The following SLC9C1 variants were observed in gnomAD, a reference collection of about 807,000 sequenced individuals.
SLC9C1 encodes sodium/hydrogen exchanger 10.
Under a neutral mutation model 140.9 loss-of-function variants are expected in SLC9C1, and 97 were observed. That is an observed-to-expected ratio of 0.69 (90% CI 0.58 to 0.82). The LOEUF is 0.82. Among genes scored for constraint, SLC9C1 ranks in the 40% least tolerant of loss-of-function variants. SLC9C1 has a pLI of 0.00. For missense variants in SLC9C1, 1,340 were observed against 1,389.3 expected (o/e 0.96, Z 0.56); for synonymous variants, 440 against 442.6 (o/e 0.99, Z 0.07).
intron 2 of SLC9C1, among the ~76,000 whole-genome samples, chr3:112,281,257 C>G (rs905087862): frequency 2.6e-5 from 4 of 152,180 alleles, no homozygotes; most frequent in Admixed American, 6.5e-5. Context: ...CTAATTCTGG[C>G]ACAATCCGAC....
intron 20 of SLC9C1, among the ~76,000 whole-genome samples, chr3:112,186,224 T>G (rs1280130290): frequency 6.7e-6 from 1 of 148,160 alleles, no homozygotes; most frequent in Non-Finnish European, 1.5e-5. Flanking sequence ...AAATTCTTAA[T>G]TTTAATGTTA....
rs970138797 is a variant in SLC9C1 at position 112,220,690 on chromosome 3, C to T, written c.1670+438G>A. ...AGACCTATATCTAAAGAAATCACTA[C>T]AAGATTACAAATGCATGCTGAGTAT... is the stretch of plus-strand genomic sequence containing the variant. On this transcript the variant is annotated intron_variant, in intron 14 of 28. Transcript: ENST00000305815. Among the ~76,000 whole-genome samples, 5 of 152,162 alleles carry T rather than the reference C, an allele frequency of 3.3e-5. No individual in the cohort carries two copies. In the South Asian group the frequency reaches 6.2e-4, roughly 19 times the overall value.
At chr3:112,203,725 C>T (rs1373145597) in intron 17 of SLC9C1, among the ~76,000 whole-genome samples, 1 of 151,786 alleles carries the variant, frequency 6.6e-6, no homozygotes, top group African/African-American at 2.4e-5. Flanking sequence ...AATAACCACC[C>T]ATAATATTTG....
intron 8 of SLC9C1, 131 bp from the exon 9 acceptor site, chr3:112,264,474 G>GACTTGTAGCTGAAAATGATGAAA: frequency 2.5e-6 from 1 of 395,414 alleles, no homozygotes; most frequent in Non-Finnish European, 4.2e-6. Flanking sequence ...AAACAACTTT[G>GACTTGTAGCTGAAAATGATGAAA]ACTTGTAGCT....
chr3:112,287,309 A>G (rs2080538566), intron 1 of SLC9C1, among the ~76,000 whole-genome samples: 1 of 152,234 alleles, frequency 6.6e-6, no homozygotes, highest in Non-Finnish European at 1.5e-5. Context: ...AGTAGGAGGA[A>G]AAGCAGGGAA....
chr3:112,266,410 T>C, intron 7 of SLC9C1, 70 bp from the exon 8 acceptor site: 1 of 1,203,712 alleles, frequency 8.3e-7, no homozygotes. Flanking sequence ...TTACCCGAGT[T>C]AAAAGTATCA....
chr3:112,288,835 G>C (rs1348798540), intron 1 of SLC9C1, among the ~76,000 whole-genome samples: 3 of 152,006 alleles, frequency 2.0e-5, no homozygotes, highest in Admixed American at 6.6e-5. Flanking sequence ...TAGGTTGAAA[G>C]ACTCAGGGTA....
chr3:112,142,100 A>G (rs2074645047), intron 28 of SLC9C1, among the ~76,000 whole-genome samples: 2 of 152,182 alleles, frequency 1.3e-5, no homozygotes, highest in African/African-American at 4.8e-5. Context: ...TAGAAGCATA[A>G]TCACTAATTC....
At chr3:112,250,530 C>T (rs563627225) in intron 10 of SLC9C1, among the ~76,000 whole-genome samples, 2 of 150,294 alleles carry the variant, frequency 1.3e-5, no homozygotes, top group Admixed American at 6.7e-5. Flanking sequence ...GTCCCACCAA[C>T]AGTGTAAAAG....
intron 26 of SLC9C1, among the ~76,000 whole-genome samples, chr3:112,159,779 T>A (rs541328527): frequency 2.0e-5 from 3 of 152,120 alleles, no homozygotes; most frequent in African/African-American, 7.2e-5. Flanking sequence ...TGTTATATCC[T>A]CTTGTTTAAT....
chr3:112,187,120 G>A (rs1576299005), intron 20 of SLC9C1, among the ~76,000 whole-genome samples: 1 of 152,124 alleles, frequency 6.6e-6, no homozygotes, highest in African/African-American at 2.4e-5. Context: ...AGAATGCCTG[G>A]ATTAAATTAA....
chr3:112,213,487 G>C (rs924893964), intron 15 of SLC9C1, among the ~76,000 whole-genome samples: 2 of 152,012 alleles, frequency 1.3e-5, no homozygotes, highest in African/African-American at 2.4e-5. Context: ...ACACACATAG[G>C]CTCAAAATAA....
At chr3:112,277,627 A>T (rs2080250141) in intron 5 of SLC9C1, 68 bp downstream of exon 5, 1 of 1,318,382 alleles carries the variant, frequency 7.6e-7, no homozygotes, top group Non-Finnish European at 1.0e-6. Flanking sequence ...AAAGCAAAAG[A>T]TCTTAAAATA....
chr3:112,236,991 C>A (rs1441260063), intron 12 of SLC9C1, among the ~76,000 whole-genome samples: 2 of 152,162 alleles, frequency 1.3e-5, no homozygotes, highest in Non-Finnish European at 2.9e-5. Flanking sequence ...CCGCTTGGTG[C>A]AGAGCTGAGC....
At chr3:112,179,930 A>G (rs1261915874) in intron 22 of SLC9C1, among the ~76,000 whole-genome samples, 1 of 152,222 alleles carries the variant, frequency 6.6e-6, no homozygotes, top group Non-Finnish European at 1.5e-5. Flanking sequence ...TAGTTAATCT[A>G]TACCCATTTT....
chr3:112,182,209 C>T lies in SLC9C1; in HGVS notation c.2573G>A (p.Arg858Lys), dbSNP rs770983163. Residue 858 changes from arginine (R) to lysine (K), a missense_variant, in exon 21 of 29, where the codon AGG becomes AAG. Coordinates refer to ENST00000305815, the MANE Select transcript of SLC9C1 (RefSeq NM_183061.3). ...TAGAACTTCTTCAACAGTAAGAGGCCTGATAATAGATTGAGAATCAAGCAC... is the reference window on the plus strand; with the variant it reads ...TAGAACTTCTTCAACAGTAAGAGGCTTGATAATAGATTGAGAATCAAGCAC... The part of the protein sequence containing the change: ...KEVLDSQSII[R>K]PLTVEEVLYH... 2 of 1,606,474 alleles carry T rather than the reference C, an allele frequency of 1.2e-6. No individual in the cohort carries two copies. Among genetic ancestry groups the T allele is most frequent in the East Asian group, 2.2e-5 (1 of 44,548 alleles).
At chr3:112,256,388 T>G (rs2079606933) in intron 10 of SLC9C1, among the ~76,000 whole-genome samples, 1 of 152,058 alleles carries the variant, frequency 6.6e-6, no homozygotes, top group Admixed American at 6.6e-5. Flanking sequence ...CACAATCAAG[T>G]AGGCTTGATT....
At position 112,180,644 on chromosome 3, in the gene SLC9C1, T is replaced by A. The variant is rs753235960; in HGVS notation, c.2668A>T (p.Thr890Ser). 2 of 1,613,124 alleles carry A rather than the reference T, an allele frequency of 1.2e-6. No individual in the cohort carries two copies. The highest frequency in any genetic ancestry group is 3.3e-5 in the Admixed American group (2 of 59,866). The part of the protein sequence containing the change: ...NFIQEKAKVV[T>S]FDCGNDIFEE... Reference sequence around the variant, plus strand: ...AATATATCATTTCCACAATCAAATGTTACAACTTTGGCTTTTTCCTAAAAG... The same window carrying A: ...AATATATCATTTCCACAATCAAATGATACAACTTTGGCTTTTTCCTAAAAG... The change falls in exon 22 of 29, where the codon ACA (threonine) becomes TCA (serine). Residue 890 changes from threonine to serine, a missense_variant. Physicochemically the swap from Thr to Ser is moderately conservative, Grantham distance 58. Coordinates refer to ENST00000305815, the MANE Select transcript of SLC9C1 (RefSeq NM_183061.3).
chr3:112,212,199 C>G (rs1005950902), intron 15 of SLC9C1, among the ~76,000 whole-genome samples: 18 of 152,170 alleles, frequency 1.2e-4, no homozygotes, highest in African/African-American at 4.3e-4. Context: ...ACCAAAACCC[C>G]ATCTGTACGT....
Sources: allele counts gnomAD v4.1 joint callset (sites outside exome capture counted in the v4.1 genomes callset), GRCh38; gene constraint gnomAD v4.1.1; transcripts MANE v1.5; gene names NCBI Gene and HGNC (gene_info 2026-07-23, HGNC 2026-07-21).